NRG1: variants seen among roughly 807,000 people sequenced by gnomAD.
NRG1 encodes the protein pro-neuregulin-1, membrane-bound isoform.
In NRG1, 18 loss-of-function variants were observed where a neutral mutation model predicts 63.8. The ratio of observed to expected loss-of-function variants is 0.28; its 90% CI spans 0.19 to 0.42. The LOEUF is 0.42. Ranked by LOEUF, NRG1 falls within the 10% of genes least tolerant of loss-of-function variation. The pLI is 1.00. For missense variants in NRG1, 762 were observed against 814.7 expected, an observed-to-expected ratio of 0.94 and a Z score of 0.79; for synonymous variants, 302 against 301.3, an observed-to-expected ratio of 1.00 and a Z score of -0.02.
intron 1 of NRG1, among the ~76,000 whole-genome samples, chr8:31,668,870 C>T (rs578099559): frequency 2.4e-4 from 37 of 152,250 alleles, no homozygotes; most frequent in Non-Finnish European, 4.1e-4. Context: ...CAGGCTACTA[C>T]AGATTGGGTA....
intron 1 of NRG1, among the ~76,000 whole-genome samples, chr8:32,278,651 C>T (rs190113571): frequency 9.8e-5 from 15 of 152,316 alleles, no homozygotes; most frequent in Admixed American, 2.0e-4. Context: ...TATGTATGGA[C>T]ACATCACCAC....
intron 1 of NRG1, among the ~76,000 whole-genome samples, chr8:32,241,928 A>T (rs898863034): frequency 1.3e-5 from 2 of 151,808 alleles, no homozygotes; most frequent in Admixed American, 1.3e-4. Context: ...TATTTTTAAA[A>T]TTTTTTGTAG....
intron 9 of NRG1, among the ~76,000 whole-genome samples, chr8:32,757,741 CTCAACCTTATTTCT>C (rs1829942642): frequency 6.6e-6 from 1 of 152,194 alleles, no homozygotes; most frequent in Non-Finnish European, 1.5e-5. Flanking sequence ...TTTAACTTTT[CTCAACCTTATTTCT>C]TCAATATAAA....
intron 2 of NRG1, among the ~76,000 whole-genome samples, chr8:32,601,427 A>C (rs576417533): frequency 1.3e-5 from 2 of 152,278 alleles, no homozygotes; most frequent in Admixed American, 1.3e-4. Context: ...GAGAAAACCT[A>C]ACTCTTTCAC....
chr8:31,827,607 G>C (rs1737767553), intron 1 of NRG1, among the ~76,000 whole-genome samples: 1 of 152,166 alleles, frequency 6.6e-6, no homozygotes, highest in African/African-American at 2.4e-5. Context: ...CTATTTGAAG[G>C]TCAGCTATCA....
At chr8:31,722,991 C>A (rs1207026967) in intron 1 of NRG1, among the ~76,000 whole-genome samples, 5 of 151,956 alleles carry the variant, frequency 3.3e-5, no homozygotes. Context: ...TTTAAGAAAA[C>A]AACATTGATA....
intron 1 of NRG1, among the ~76,000 whole-genome samples, chr8:31,760,015 T>A (rs1817363396): frequency 6.6e-6 from 1 of 152,148 alleles, no homozygotes. Context: ...TTTTTAATGG[T>A]TAGTAGCAGT....
chr8:31,672,407 C>G (rs939702704), intron 1 of NRG1, among the ~76,000 whole-genome samples: 2 of 151,982 alleles, frequency 1.3e-5, no homozygotes, highest in African/African-American at 4.8e-5. Context: ...ATAGTTTCAC[C>G]GAAGCCATGA....
At chr8:32,171,069 G>T (rs79124426) in intron 1 of NRG1, among the ~76,000 whole-genome samples, 2,968 of 152,206 alleles carry the variant, frequency 0.019, 93 homozygotes, top group African/African-American at 0.067. Flanking sequence ...TGTCTAGCTT[G>T]TTGGGGGGAT....
At position 32,273,741 on chromosome 8, in the gene NRG1, G is replaced by A. The variant is rs112613743; in HGVS notation, c.38-322087G>A. On this transcript the variant is annotated intron_variant, in intron 1 of 10. Coordinates refer to the NRG1 transcript ENST00000519301. ...TCATGAGAGCATTTCTTTTTAAGTAGTTTGTGATAATTTTGGAATTTGAAA... is the reference window on the plus strand; with the variant it reads ...TCATGAGAGCATTTCTTTTTAAGTAATTTGTGATAATTTTGGAATTTGAAA... Among the ~76,000 whole-genome samples, 871 of 152,258 alleles carry A rather than the reference G, an allele frequency of 5.7e-3. 6 individuals are homozygous for A. The highest frequency in any genetic ancestry group is 0.02 in the African/African-American group (837 of 41,548).
At chr8:32,757,422 C>T (rs1829882088) in intron 9 of NRG1, among the ~76,000 whole-genome samples, 1 of 151,986 alleles carries the variant, frequency 6.6e-6, no homozygotes, top group Non-Finnish European at 1.5e-5. Flanking sequence ...ATTTTCTATC[C>T]TATAGAAAAA....
chr8:31,812,709 C>T (rs375173120), intron 1 of NRG1, among the ~76,000 whole-genome samples: 12 of 149,574 alleles, frequency 8.0e-5, no homozygotes, highest in South Asian at 4.3e-4. Flanking sequence ...TCTTTCTTTG[C>T]CATTTCAGGT....
intron 4 of NRG1, among the ~76,000 whole-genome samples, chr8:32,615,423 T>C (rs192555627): frequency 3.2e-4 from 48 of 152,252 alleles, no homozygotes; most frequent in African/African-American, 1.1e-3. Flanking sequence ...CATTTGATAA[T>C]CACAATAAAC....
chr8:32,761,591 AT>A (rs1416356745), intron 11 of NRG1, among the ~76,000 whole-genome samples: 2 of 150,532 alleles, frequency 1.3e-5, no homozygotes, highest in Non-Finnish European at 3.0e-5. Flanking sequence ...ATTTTATTTT[AT>A]TTTATTTTAT....
chr8:31,657,054 A>G (rs1805499055), intron 1 of NRG1, among the ~76,000 whole-genome samples: 1 of 152,146 alleles, frequency 6.6e-6, no homozygotes, highest in Non-Finnish European at 1.5e-5. Context: ...CTGCCCATCT[A>G]TATGCAGCCT....
intron 1 of NRG1, among the ~76,000 whole-genome samples, chr8:32,247,837 A>G (rs1394097843): frequency 6.6e-6 from 1 of 152,152 alleles, no homozygotes; most frequent in East Asian, 1.9e-4. Flanking sequence ...CCTTCTAGGC[A>G]GATTACTCAG....
chr8:31,690,390 G>A (rs915769063), intron 1 of NRG1, among the ~76,000 whole-genome samples: 3 of 152,102 alleles, frequency 2.0e-5, no homozygotes, highest in African/African-American at 7.2e-5. Context: ...AAGACTTTGA[G>A]GACTTCAAGG....
chr8:32,673,868 A>T (rs1231217606), intron 5 of NRG1, among the ~76,000 whole-genome samples: 1 of 152,206 alleles, frequency 6.6e-6, no homozygotes. Flanking sequence ...GCTGTAGGGT[A>T]CACATGAAAC....
chr8:31,927,403 A>G (rs1413070700), intron 1 of NRG1, among the ~76,000 whole-genome samples: 1 of 133,700 alleles, frequency 7.5e-6, no homozygotes, highest in Admixed American at 7.2e-5. Flanking sequence ...CAATGATTAC[A>G]TTTTAGTTTA....
Sources: allele counts gnomAD v4.1 joint callset (sites outside exome capture counted in the v4.1 genomes callset), GRCh38; gene constraint gnomAD v4.1.1; transcripts MANE v1.5; gene names NCBI Gene and HGNC (gene_info 2026-07-23, HGNC 2026-07-21).